Variants in PCDHGB6 observed in about 807,000 individuals in gnomAD.
PCDHGB6 encodes protocadherin gamma subfamily B, 6.
A neutral mutation model predicts 59.1 loss-of-function variants in PCDHGB6; 51 were observed. The ratio of observed to expected loss-of-function variants is 0.86; its 90% CI spans 0.69 to 1.09. The LOEUF (loss-of-function observed/expected upper bound fraction) is 1.09, where lower values mean the gene tolerates loss of function less well. PCDHGB6 is among the 50% of genes least tolerant of loss of function. PCDHGB6 has a pLI of 0.00. For missense variants in PCDHGB6, 1,148 were observed against 1,205.1 expected (o/e 0.95, Z 0.70); for synonymous variants, 466 against 495.1 (o/e 0.94, Z 0.78).
At chr5:141,429,610 T>C (rs2097228693) in intron 1 of PCDHGB6, among the ~76,000 whole-genome samples, 2 of 152,230 alleles carry the variant, frequency 1.3e-5, no homozygotes, top group African/African-American at 4.8e-5. Flanking sequence ...AACTCAATTT[T>C]ATGTCTGATA....
chr5:141,451,112 G>A (rs776356458), intron 1 of PCDHGB6, among the ~76,000 whole-genome samples: 9 of 152,236 alleles, frequency 5.9e-5, no homozygotes, highest in Admixed American at 1.3e-4. Flanking sequence ...ACAGGCGTGA[G>A]CCACCACACC....
intron 1 of PCDHGB6, among the ~76,000 whole-genome samples, chr5:141,448,768 G>T (rs544426582): frequency 2.6e-5 from 4 of 151,750 alleles, no homozygotes; most frequent in Non-Finnish European, 4.4e-5. Context: ...GTGAAACCCC[G>T]TCTGTACTAA....
chr5:141,441,195 A>C (rs1160365905), intron 1 of PCDHGB6: 1 of 152,224 alleles, frequency 6.6e-6, no homozygotes, highest in Non-Finnish European at 1.5e-5. Context: ...TGATTCCCAA[A>C]GATTCTGCAC....
At position 141,485,343 on chromosome 5, in the gene PCDHGB6, A is replaced by G; in HGVS notation, c.2419-9464A>G. ...GCTCAAGATTTCCTGCTGGATACGG[A>G]CAGTCTGTCAGCTCGCAGGCTGCAG... On this transcript the variant is annotated intron_variant, in intron 1 of 3. Transcript: ENST00000520790. This position sits in a 1 kb window ranked among gnomAD's most constrained non-coding sequence, Gnocchi z 5.7. 1 of 1,614,062 alleles carries G rather than the reference A, an allele frequency of 6.2e-7. No homozygotes were observed. Among genetic ancestry groups the G allele is most frequent in the Non-Finnish European group, 8.5e-7 (1 of 1,179,984 alleles).
chr5:141,432,934 G>GC lies in PCDHGB6; in HGVS notation c.2418+22315dup. On this transcript the variant is annotated intron_variant, in intron 1 of 3. Transcript: ENST00000520790. The surrounding 1 kb of genome is among the most constrained non-coding windows in gnomAD (Gnocchi z 6.0). ...GGCGCTGGCACAAGTCACGCCTGCT[G>GC]CAGGCTTCAGGAGGCGGCTTGACAG... The GC allele has an allele frequency of 6.2e-7, 1 of 1,614,196 alleles. No individual in the cohort carries two copies. Among genetic ancestry groups the GC allele is most frequent in the Non-Finnish European group, 8.5e-7 (1 of 1,180,040 alleles).
In PCDHGB6 at chr5:141,409,494, C is replaced by G. The variant is rs755680835; in HGVS notation, c.1292C>G (p.Pro431Arg). 1 of 1,614,028 alleles carries G rather than the reference C, an allele frequency of 6.2e-7. No homozygotes were observed. Among genetic ancestry groups the G allele is most frequent in the Non-Finnish European group, 8.5e-7 (1 of 1,179,888 alleles). The change falls in exon 1 of 4, where the codon CCT becomes CGT. Residue 431 changes from proline (P) to arginine (R), a missense_variant. Coordinates refer to ENST00000520790, the MANE Select transcript of PCDHGB6 (RefSeq NM_018926.3). ...GTAGCCACTGACAGGGGCAAGCCGC[C>G]TCTTTCTTCCAGTAGAAGCATCACC... is the stretch of plus-strand genomic sequence containing the variant. Reference protein sequence around the residue: ...TIVATDRGKPPLSSSRSITLY... With the variant: ...TIVATDRGKPRLSSSRSITLY...
intron 1 of PCDHGB6, among the ~76,000 whole-genome samples, chr5:141,448,837 C>CT (rs2098610093): frequency 6.6e-6 from 1 of 152,014 alleles, no homozygotes; most frequent in Non-Finnish European, 1.5e-5. Context: ...CCCAGCTACT[C>CT]TGGAGGCTGA....
At chr5:141,480,591 T>G (rs557048485) in intron 1 of PCDHGB6, among the ~76,000 whole-genome samples, 1 of 138,080 alleles carries the variant, frequency 7.2e-6, no homozygotes, top group South Asian at 2.2e-4. Flanking sequence ...GCCGCTCTTC[T>G]GGTCAGCCTG....
intron 1 of PCDHGB6, chr5:141,430,576 T>G (rs767759432): frequency 3.3e-5 from 15 of 459,492 alleles, no homozygotes; most frequent in Non-Finnish European, 5.5e-5. Flanking sequence ...AAAGCGGAGA[T>G]CCTGCTCGCC....
At chr5:141,500,959 C>T (rs2099804326) in intron 2 of PCDHGB6, among the ~76,000 whole-genome samples, 1 of 152,022 alleles carries the variant, frequency 6.6e-6, no homozygotes, top group South Asian at 2.1e-4. Flanking sequence ...AGCTCCACCT[C>T]CTGGGTTCAA....
At chr5:141,500,116 C>T (rs1458562489) in intron 2 of PCDHGB6, among the ~76,000 whole-genome samples, 4 of 149,046 alleles carry the variant, frequency 2.7e-5, no homozygotes, top group Admixed American at 2.0e-4. Context: ...GAATCCCTGC[C>T]TTTTCATATA....
intron 1 of PCDHGB6, among the ~76,000 whole-genome samples, chr5:141,459,312 G>A (rs968359414): frequency 6.6e-6 from 1 of 152,084 alleles, no homozygotes; most frequent in African/African-American, 2.4e-5. Flanking sequence ...ATACTATTTT[G>A]TATCCATCTT....
intron 1 of PCDHGB6, chr5:141,478,229 T>C: frequency 6.2e-7 from 1 of 1,614,074 alleles, no homozygotes; most frequent in Non-Finnish European, 8.5e-7. Flanking sequence ...TTCTGTGGGG[T>C]TTGTGGTCAC....
chr5:141,432,569 C>T lies in PCDHGB6; in HGVS notation c.2418+21949C>T. The T allele has an allele frequency of 6.2e-7, 1 of 1,613,920 alleles. No homozygotes were observed. On this transcript the variant is annotated intron_variant, in intron 1 of 3. Coordinates refer to ENST00000520790, the MANE Select transcript of PCDHGB6 (RefSeq NM_018926.3). This position sits in a 1 kb window ranked among gnomAD's most constrained non-coding sequence, Gnocchi z 6.0. ...CAGAGACTCCGGCCAGAACGCCTGG[C>T]TGTCCTACCGTCTGCTCAAGGCCAG...
intron 1 of PCDHGB6, chr5:141,475,917 C>T (rs1012431912): frequency 1.7e-6 from 1 of 599,962 alleles, no homozygotes. Context: ...AATGAAGACG[C>T]TGGAGATCGG....
intron 1 of PCDHGB6, chr5:141,421,777 CG>C (rs760013586): frequency 1.2e-6 from 2 of 1,613,804 alleles, no homozygotes; most frequent in Admixed American, 3.3e-5. Flanking sequence ...CTTGCAACTG[CG>C]GGGCAGAACG....
rs755835568 is a variant in PCDHGB6 at position 141,408,884 on chromosome 5, A to G, written c.682A>G (p.Ile228Val). 2 of 1,613,384 alleles carry G rather than the reference A, an allele frequency of 1.2e-6. No homozygotes were observed. Among genetic ancestry groups the G allele is most frequent in the Non-Finnish European group, 1.7e-6 (2 of 1,179,678 alleles). Residue 228 changes from isoleucine to valine, a missense_variant, in exon 1 of 4, where the codon ATA becomes GTA. By Grantham distance (29) the Ile-to-Val change is conservative. Around this residue, in one of 5 missense-constraint regions of PCDHGB6, gnomAD observed 307 missense variants for 323.8 expected, o/e 0.95. Transcript: ENST00000520790. ...GDPPRSATAHIEISVKDTNDN... is the reference protein window; with the variant it reads ...GDPPRSATAHVEISVKDTNDN... The stretch of plus-strand genomic sequence containing the variant: ...CCCACCAAGAAGTGCCACCGCTCAC[A>G]TAGAAATTTCTGTCAAGGATACCAA...
rs375404779 is a variant in PCDHGB6 at position 141,419,760 on chromosome 5, A to T, written c.2418+9140A>T. 11 of 1,613,876 alleles carry T rather than the reference A, an allele frequency of 6.8e-6. No homozygotes were observed. The highest frequency in any genetic ancestry group is 9.3e-6 in the Non-Finnish European group (11 of 1,179,904). On this transcript the variant is annotated intron_variant, in intron 1 of 3. Coordinates refer to ENST00000520790, the MANE Select transcript of PCDHGB6 (RefSeq NM_018926.3). ...GTGCGCATGGTGCGTGCTTTGGGTG[A>T]CAAGGACTCGGTCCGCCAGCGCCTG...
At chr5:141,430,405 A>T (rs1163049877) in intron 1 of PCDHGB6, among the ~76,000 whole-genome samples, 1 of 152,124 alleles carries the variant, frequency 6.6e-6, no homozygotes, top group Non-Finnish European at 1.5e-5. Flanking sequence ...AAGCTCACTA[A>T]AGTTTCTATT....
Sources: allele counts gnomAD v4.1 joint callset (sites outside exome capture counted in the v4.1 genomes callset), GRCh38; gene constraint gnomAD v4.1.1; regional missense constraint gnomAD v4.1.1; non-coding constraint Gnocchi (gnomAD v3.1); transcripts MANE v1.5; gene names NCBI Gene and HGNC (gene_info 2026-07-23, HGNC 2026-07-21).